Variants in LAMC2 observed in about 807,000 individuals in gnomAD.
LAMC2 encodes the protein laminin subunit gamma-2.
A neutral mutation model predicts 140.2 loss-of-function variants in LAMC2; 97 were observed. The ratio of observed to expected loss-of-function variants is 0.69; its 90% CI spans 0.59 to 0.82. The LOEUF is 0.82. Among genes scored for constraint, LAMC2 ranks in the 40% least tolerant of loss-of-function variants. LAMC2 has a pLI of 0.00. For missense variants in LAMC2, 1,402 were observed against 1,476.1 expected, an observed-to-expected ratio of 0.95 and a Z score of 0.82; for synonymous variants, 513 against 540.2, an observed-to-expected ratio of 0.95 and a Z score of 0.70.
intron 1 of LAMC2, among the ~76,000 whole-genome samples, chr1:183,206,796 A>G (rs1658900252): frequency 6.6e-6 from 1 of 152,190 alleles, no homozygotes; most frequent in Non-Finnish European, 1.5e-5. Flanking sequence ...CTAGAAACAT[A>G]TTCTCAATAT....
At chr1:183,216,799 C>T (rs999968062) in intron 3 of LAMC2, among the ~76,000 whole-genome samples, 4 of 152,182 alleles carry the variant, frequency 2.6e-5, no homozygotes, top group African/African-American at 4.8e-5. Flanking sequence ...GCTTCTGTGT[C>T]CCCATGCCTG....
At chr1:183,236,001 T>C (rs1659950850) in intron 16 of LAMC2, among the ~76,000 whole-genome samples, 1 of 152,106 alleles carries the variant, frequency 6.6e-6, no homozygotes, top group Non-Finnish European at 1.5e-5. Flanking sequence ...TTGAAGGGTG[T>C]GAATAAACCC....
At chr1:183,217,667 T>C (rs1209360992) in intron 3 of LAMC2, among the ~76,000 whole-genome samples, 1 of 152,108 alleles carries the variant, frequency 6.6e-6, no homozygotes, top group Non-Finnish European at 1.5e-5. Flanking sequence ...ATTCCATTGA[T>C]AGGAAATGTC....
At position 183,222,159 on chromosome 1, in the gene LAMC2, A is replaced by G; in HGVS notation, c.711A>G (p.Gln237=). ...AGCTCCAATGGTCACAGCGCCATCAAGATGTGTTTAGCTCAGCCCAACGAC... is the reference window on the plus strand; with the variant it reads ...AGCTCCAATGGTCACAGCGCCATCAGGATGTGTTTAGCTCAGCCCAACGAC... ...PAKLQWSQRH[Q]DVFSSAQRLD... The change falls in exon 6 of 23, where the codon CAA becomes CAG. Residue 237 remains glutamine, a synonymous_variant. Coordinates refer to ENST00000264144, the MANE Select transcript of LAMC2 (RefSeq NM_005562.3). 1 of 1,614,178 alleles carries G rather than the reference A, an allele frequency of 6.2e-7. No homozygotes were observed.
In LAMC2 at chr1:183,236,544, C is replaced by T. The variant is rs1443085559; in HGVS notation, c.2541C>T (p.His847=). The part of the protein sequence containing the change: ...AEIEADRSYQ[H]SLRLLDSVSR... ...TTGAAGCAGATAGGTCTTATCAGCA[C>T]AGTCTCCGCCTCCTGGATTCAGTGT... Residue 847 remains histidine, a synonymous_variant, in exon 17 of 23, where the codon CAC becomes CAT. Coordinates refer to ENST00000264144, the MANE Select transcript of LAMC2 (RefSeq NM_005562.3). 1.2e-6 allele frequency: 2 copies of T among 1,614,170 alleles called. No individual in the cohort carries two copies. Among genetic ancestry groups the T allele is most frequent in the East Asian group, 2.2e-5 (1 of 44,884 alleles).
rs1326671165 is a variant in LAMC2 at position 183,228,428 on chromosome 1, A to G, written c.1523A>G (p.His508Arg). The G allele has an allele frequency of 6.2e-7, 1 of 1,614,088 alleles. No homozygotes were observed. Among genetic ancestry groups the G allele is most frequent in the South Asian group, 1.1e-5 (1 of 91,052 alleles). Residue 508 changes from histidine to arginine, a missense_variant, in exon 11 of 23, where the codon CAT becomes CGT. Coordinates refer to ENST00000264144, the MANE Select transcript of LAMC2 (RefSeq NM_005562.3). This position sits in a 1 kb window ranked among gnomAD's most constrained non-coding sequence, Gnocchi z 4.3. ...TACTTTGGGGACCCCTTTGGTGAACATGGCCCAGTGAGGCCTTGTCAGCCC... is the reference window on the plus strand; with the variant it reads ...TACTTTGGGGACCCCTTTGGTGAACGTGGCCCAGTGAGGCCTTGTCAGCCC... ...DGYFGDPFGE[H>R]GPVRPCQPCQ... is the part of the protein sequence containing the mutation.
At chr1:183,217,753 G>A (rs538533585) in intron 3 of LAMC2, among the ~76,000 whole-genome samples, 1 of 152,204 alleles carries the variant, frequency 6.6e-6, no homozygotes, top group African/African-American at 2.4e-5. Context: ...GGAGGGAAGA[G>A]ATGTGGCAGG....
intron 1 of LAMC2, among the ~76,000 whole-genome samples, chr1:183,194,931 T>TA (rs1373196197): frequency 6.6e-6 from 1 of 152,210 alleles, no homozygotes; most frequent in Non-Finnish European, 1.5e-5. Flanking sequence ...GTTGCTGTCA[T>TA]ATAGAATCTT....
Position 183,244,631 on chromosome 1 carries a change from A to G in LAMC2, c.*1231A>G, listed in dbSNP as rs893123392. ...TTGCAACCTCTTTGCTCAACAGAAC[A>G]TATGTTGCAAGACCCTCCCATGGGG... is the stretch of plus-strand genomic sequence containing the variant. On this transcript the variant is annotated 3_prime_UTR_variant, in exon 23 of 23. Coordinates refer to ENST00000264144, the MANE Select transcript of LAMC2 (RefSeq NM_005562.3). 1.3e-5 allele frequency: 2 copies of G among 152,650 alleles called. No homozygotes were observed. The highest frequency in any genetic ancestry group is 2.9e-5 in the Non-Finnish European group (2 of 68,034). 9.5% of individuals were successfully genotyped at this position (152,650 alleles called of 1,614,324 possible). A position where few individuals can be genotyped will look rare whatever the true frequency, so the allele number is the denominator to read the frequency against.
the LAMC2 span, among the ~76,000 whole-genome samples, chr1:183,257,454 T>C: frequency 6.6e-6 from 1 of 152,060 alleles, no homozygotes; most frequent in Admixed American, 6.5e-5. Flanking sequence ...AAAGAAGTAT[T>C]GGTATTAATT....
intron 10 of LAMC2, 136 bp downstream of exon 10, chr1:183,227,833 G>A: frequency 1.2e-6 from 1 of 804,472 alleles, no homozygotes; most frequent in Non-Finnish European, 2.1e-6. Context: ...TCACTCTAAA[G>A]ATAATATCTT....
In LAMC2 at chr1:183,238,365, T is replaced by G; in HGVS notation, c.2813T>G (p.Leu938Arg). Residue 938 changes from leucine (L) to arginine (R), a missense_variant, in exon 19 of 23, where the codon CTG (leucine) becomes CGG (arginine). This residue lies in a region of LAMC2 where 670 missense variants were observed against 667.2 expected (regional missense o/e 1.00). Transcript: ENST00000264144. ...GCTAAAAGCAGAGCACAAGAAGCAC[T>G]GAGTATGGGCAATGCCACTTTTTAT... The part of the protein sequence containing the change: ...NLAKSRAQEA[L>R]SMGNATFYEV... 1 of 1,614,134 alleles carries G rather than the reference T, an allele frequency of 6.2e-7. No homozygotes were observed. Among genetic ancestry groups the G allele is most frequent in the African/African-American group, 1.3e-5 (1 of 75,056 alleles).
chr1:183,240,559 T>C, intron 22 of LAMC2, 168 bp downstream of exon 22: 1 of 1,447,964 alleles, frequency 6.9e-7, no homozygotes, highest in South Asian at 1.5e-5. Flanking sequence ...TTCCCTTACA[T>C]TTACTGGACC....
intron 1 of LAMC2, 48 bp from the exon 2 acceptor site, chr1:183,207,833 G>GT: frequency 1.9e-6 from 2 of 1,074,106 alleles, no homozygotes; most frequent in Non-Finnish European, 2.8e-6. Flanking sequence ...AGTTCCTGAG[G>GT]TGTTTTTTTT....
chr1:183,225,876 AG>A (rs1195370670), intron 8 of LAMC2, among the ~76,000 whole-genome samples, 156 bp downstream of exon 8: 1 of 152,242 alleles, frequency 6.6e-6, no homozygotes, highest in African/African-American at 2.4e-5. Flanking sequence ...ATATTCTAGA[AG>A]CTTTTTTAGA....
chr1:183,239,913 C>G (rs1660078402), intron 20 of LAMC2, 127 bp from the exon 21 acceptor site: 1 of 1,042,112 alleles, frequency 9.6e-7, no homozygotes, highest in African/African-American at 1.6e-5. Flanking sequence ...CTGATTCTCT[C>G]ATTATTCATC....
intron 14 of LAMC2, 46 bp downstream of exon 14, chr1:183,232,903 G>C: frequency 6.4e-7 from 1 of 1,562,710 alleles, no homozygotes; most frequent in South Asian, 1.1e-5. Flanking sequence ...GCTGTGTTGG[G>C]AGACCTACTT....
the LAMC2 span, among the ~76,000 whole-genome samples, chr1:183,256,130 G>T: frequency 5.9e-5 from 9 of 152,146 alleles, no homozygotes; most frequent in Non-Finnish European, 1.2e-4. Flanking sequence ...TTGCCTTGCC[G>T]GGAGTGGTGG....
In LAMC2 at chr1:183,231,018, G is replaced by T. The variant is rs747903961; in HGVS notation, c.1772G>T (p.Cys591Phe). 1 of 1,614,188 alleles carries T rather than the reference G, an allele frequency of 6.2e-7. No individual in the cohort carries two copies. Among genetic ancestry groups the T allele is most frequent in the Non-Finnish European group, 8.5e-7 (1 of 1,180,032 alleles). Residue 591 changes from cysteine (C) to phenylalanine (F), a missense_variant, in exon 12 of 23, where the codon TGT (cysteine) becomes TTT (phenylalanine). By Grantham distance (205) the Cys-to-Phe change is radical. Coordinates refer to ENST00000264144, the MANE Select transcript of LAMC2 (RefSeq NM_005562.3). ...EPVGCRSDGT[C>F]VCKPGFGGPN... The stretch of plus-strand genomic sequence containing the variant: ...GTAGGATGTCGAAGTGATGGCACCT[G>T]TGTTTGCAAGCCAGGATTTGGTGGC...
Sources: allele counts gnomAD v4.1 joint callset (sites outside exome capture counted in the v4.1 genomes callset), GRCh38; gene constraint gnomAD v4.1.1; regional missense constraint gnomAD v4.1.1; non-coding constraint Gnocchi (gnomAD v3.1); transcripts MANE v1.5; gene names NCBI Gene and HGNC (gene_info 2026-07-23, HGNC 2026-07-21).